GPC6: variants seen among roughly 807,000 people sequenced by gnomAD.
The protein encoded by GPC6 is glypican-6.
A neutral mutation model predicts 55.2 loss-of-function variants in GPC6; 14 were observed. The ratio of observed to expected loss-of-function variants is 0.25; its 90% confidence interval spans 0.17 to 0.40. The LOEUF is 0.40. GPC6 is among the 10% of genes least tolerant of loss of function. The pLI, the probability that GPC6 is intolerant of heterozygous loss-of-function variation, is 1.00. For missense variants in GPC6, 641 were observed against 708.5 expected (o/e 0.90, Z 1.08); for synonymous variants, 278 against 259.6 (o/e 1.07, Z -0.68).
intron 2 of GPC6, among the ~76,000 whole-genome samples, chr13:93,627,976 G>T (rs1879275048): frequency 6.6e-6 from 1 of 152,156 alleles, no homozygotes; most frequent in African/African-American, 2.4e-5. Flanking sequence ...GAGAACTAAG[G>T]TTTTAATGTT....
chr13:94,159,602 A>G (rs1023390884), intron 4 of GPC6, among the ~76,000 whole-genome samples: 1 of 152,266 alleles, frequency 6.6e-6, no homozygotes, highest in South Asian at 2.1e-4. Flanking sequence ...GAATCATGGA[A>G]GCTACAATTC....
rs960510379 is a variant in GPC6 at position 94,065,560 on chromosome 13, C to T, written c.877+37666C>T. On this transcript the variant is annotated intron_variant, in intron 4 of 8. Transcript: ENST00000377047. ...TAAATAGTGCTGTGATTTTACTGTTCTCATATTTTCTAACACCGCTCTATA... is the reference window on the plus strand; with the variant it reads ...TAAATAGTGCTGTGATTTTACTGTTTTCATATTTTCTAACACCGCTCTATA... Among the ~76,000 whole-genome samples the T allele has an allele frequency of 2.0e-5, 3 of 152,158 alleles. No individual in the cohort carries two copies. In the East Asian group the frequency reaches 5.8e-4, roughly 29 times the overall value.
intron 1 of GPC6, among the ~76,000 whole-genome samples, chr13:93,322,431 C>CTTTTTTTTTTTTTTT (rs71272281): frequency 2.1e-5 from 2 of 96,792 alleles, no homozygotes; most frequent in African/African-American, 4.2e-5. Context: ...TTTCTTTCTT[C>CTTTTTTTTTTTTTTT]TTTTTTTTTT....
chr13:93,582,674 G>C (rs1362438832), intron 2 of GPC6, among the ~76,000 whole-genome samples: 1 of 152,142 alleles, frequency 6.6e-6, no homozygotes, highest in Non-Finnish European at 1.5e-5. Flanking sequence ...GGGATGGATT[G>C]AGAATGCTGG....
chr13:93,774,818 T>C (rs1247075727), intron 2 of GPC6, among the ~76,000 whole-genome samples: 1 of 152,114 alleles, frequency 6.6e-6, no homozygotes, highest in African/African-American at 2.4e-5. Context: ...GACCATCAAT[T>C]GGTTTAAAAA....
chr13:93,927,830 A>G (rs538511350), intron 3 of GPC6, among the ~76,000 whole-genome samples: 2 of 152,298 alleles, frequency 1.3e-5, no homozygotes, highest in East Asian at 3.9e-4. Flanking sequence ...AGCTCTTTCT[A>G]AAACCATTAG....
chr13:93,912,555 A>G lies in GPC6; in HGVS notation c.711+82010A>G, dbSNP rs113746567. Among the ~76,000 whole-genome samples, 411 of 152,196 alleles carry G rather than the reference A, an allele frequency of 2.7e-3. 4 individuals carry two copies. Among genetic ancestry groups the G allele is most frequent in the African/African-American group, 9.2e-3 (380 of 41,512 alleles). On this transcript the variant is annotated intron_variant, in intron 3 of 8. Transcript: ENST00000377047. ...TCAGGAGATCGAGACCATCCTGGCT[A>G]ACACGGTGAAACCCCATCTCTACTA...
rs189526318 is a variant in GPC6 at position 94,070,998 on chromosome 13, C to A, written c.877+43104C>A. 9.9e-3 allele frequency among the ~76,000 whole-genome samples: 1,501 copies of A among 152,208 alleles called. 7 individuals are homozygous for A. Among genetic ancestry groups the A allele is most frequent in the Middle Eastern group, 0.02 (6 of 294 alleles). On this transcript the variant is annotated intron_variant, in intron 4 of 8. Coordinates refer to ENST00000377047, the MANE Select transcript of GPC6 (RefSeq NM_005708.5). The stretch of plus-strand genomic sequence containing the variant: ...CCCAGAGTGCTGTGTTGAGAAGGAT[C>A]CTGAGGTCACCTCTGGGCTCATTAT...
intron 2 of GPC6, among the ~76,000 whole-genome samples, chr13:93,694,291 GC>G (rs1882368911): frequency 6.6e-6 from 1 of 152,146 alleles, no homozygotes; most frequent in African/African-American, 2.4e-5. Flanking sequence ...AGCCCATGAG[GC>G]TTGCCTTCAT....
At chr13:93,228,409 G>A (rs1326979552) in intron 1 of GPC6, among the ~76,000 whole-genome samples, 7 of 152,192 alleles carry the variant, frequency 4.6e-5, no homozygotes, top group Non-Finnish European at 1.0e-4. Context: ...CTCAGCTGGG[G>A]ATTCGGGTCC....
At chr13:93,468,466 A>G (rs1878993670) in intron 1 of GPC6, among the ~76,000 whole-genome samples, 1 of 151,838 alleles carries the variant, frequency 6.6e-6, no homozygotes, top group Admixed American at 6.6e-5. Context: ...ATCTTATTGT[A>G]ATAAAGAAGC....
chr13:94,308,509 G>T (rs891529042), intron 6 of GPC6, among the ~76,000 whole-genome samples: 1 of 152,154 alleles, frequency 6.6e-6, no homozygotes, highest in Non-Finnish European at 1.5e-5. Context: ...ATTGGTAATG[G>T]TTAAACGTAT....
intron 2 of GPC6, among the ~76,000 whole-genome samples, chr13:93,617,865 C>G (rs1185656512): frequency 6.6e-6 from 1 of 151,990 alleles, no homozygotes; most frequent in African/African-American, 2.4e-5. Context: ...ATGTAATATT[C>G]TTTCAAAAGT....
intron 3 of GPC6, among the ~76,000 whole-genome samples, chr13:93,887,032 A>G (rs1875383304): frequency 6.6e-6 from 1 of 152,012 alleles, no homozygotes; most frequent in African/African-American, 2.4e-5. Context: ...TCCAAAGTGG[A>G]AGAGTCCAAA....
intron 4 of GPC6, among the ~76,000 whole-genome samples, chr13:94,084,494 C>G (rs1238354093): frequency 6.6e-6 from 1 of 152,054 alleles, no homozygotes; most frequent in Non-Finnish European, 1.5e-5. Flanking sequence ...GAATTTATAT[C>G]CCCAGGTGGA....
intron 3 of GPC6, among the ~76,000 whole-genome samples, chr13:93,939,393 G>A (rs1458408642): frequency 6.7e-6 from 1 of 150,248 alleles, no homozygotes; most frequent in Non-Finnish European, 1.5e-5. Context: ...ACTCCAGCCT[G>A]GGCGACAGAG....
intron 3 of GPC6, among the ~76,000 whole-genome samples, chr13:94,006,081 A>C (rs902190336): frequency 2.0e-5 from 3 of 152,190 alleles, no homozygotes; most frequent in Non-Finnish European, 4.4e-5. Context: ...GATAGGAACA[A>C]ATGTCAGTGT....
chr13:93,586,289 A>G (rs976329399), intron 2 of GPC6, among the ~76,000 whole-genome samples: 1 of 152,204 alleles, frequency 6.6e-6, no homozygotes, highest in Admixed American at 6.5e-5. Flanking sequence ...AAAGGACATG[A>G]TCTCATTCAT....
intron 2 of GPC6, among the ~76,000 whole-genome samples, chr13:93,728,757 G>A (rs1883729103): frequency 1.3e-5 from 2 of 152,078 alleles, no homozygotes; most frequent in Admixed American, 6.6e-5. Context: ...AGTAGAGACA[G>A]CATTTCACCA....
Sources: gnomAD v4.1 joint callset for allele counts (sites outside exome capture counted in the v4.1 genomes callset) on GRCh38, gnomAD v4.1.1 for gene constraint, MANE v1.5 for transcripts, NCBI Gene and HGNC (gene_info 2026-07-23, HGNC 2026-07-21) for gene names.